Variants in DHRS4L2 observed in about 807,000 individuals in gnomAD.
DHRS4L2 encodes dehydrogenase/reductase SDR family member 4-like 2.
Under a neutral mutation model 23.9 loss-of-function variants are expected in DHRS4L2, and 22 were observed. That is an observed-to-expected ratio of 0.92 (90% confidence interval 0.66 to 1.31). DHRS4L2 has a LOEUF of 1.31. Ranked by LOEUF, DHRS4L2 falls within the 40% of genes most tolerant of loss-of-function variation. The pLI is 0.00. For missense variants in DHRS4L2, 385 were observed against 303.3 expected (o/e 1.27, Z -2.00); for synonymous variants, 141 against 123.7 (o/e 1.14, Z -0.93).
intron 3 of DHRS4L2, among the ~76,000 whole-genome samples, chr14:23,997,533 G>A (rs2034403786): frequency 1.4e-5 from 2 of 139,672 alleles, no homozygotes; most frequent in Admixed American, 7.1e-5. Flanking sequence ...ACTCTACTAA[G>A]TACCTATAAT....
upstream of DHRS4L2, among the ~76,000 whole-genome samples, chr14:23,987,056 A>G (rs765323796): frequency 6.6e-6 from 1 of 151,616 alleles, no homozygotes; most frequent in Admixed American, 6.6e-5. Flanking sequence ...TGGCTGAGGA[A>G]AACACTAGAA....
chr14:23,988,974 C>T lies in DHRS4L2; in HGVS notation c.27C>T (p.Leu9=), dbSNP rs1288180923. 2 of 1,612,174 alleles carry T rather than the reference C, an allele frequency of 1.2e-6. No individual in the cohort carries two copies. The highest frequency in any genetic ancestry group is 1.7e-5 in the Admixed American group (1 of 59,964). MQMARLLG[L]CAWARKSVRM... ...TGCAGATGGCCAGGCTGCTAGGCCT[C>T]TGTGCCTGGGCACGGAAGTCGGTGC... Residue 9 remains leucine, a synonymous_variant, in exon 1 of 8, where the codon CTC becomes CTT. Transcript: ENST00000335125.
Position 23,990,307 on chromosome 14 carries a change from G to C in DHRS4L2, c.254G>C (p.Gly85Ala). Residue 85 changes from glycine (G) to alanine (A), a missense_variant, in exon 2 of 8, where the codon GGC (glycine) becomes GCC (alanine). Gly to Ala is a moderately conservative substitution (Grantham distance 60, BLOSUM62 0). Transcript: ENST00000335125. ...CAGGGGGAGGGGCTGAGCGTGACGG[G>C]CACTGTGTGCCATGTGGGGAAGGCG... The part of the protein sequence containing the change: ...TLQGEGLSVT[G>A]TVCHVGKAED... 1 of 1,612,192 alleles carries C rather than the reference G, an allele frequency of 6.2e-7. No individual in the cohort carries two copies. The highest frequency in any genetic ancestry group is 8.5e-7 in the Non-Finnish European group (1 of 1,179,062).
upstream of DHRS4L2, chr14:23,988,734 C>G (rs569012255): frequency 7.4e-6 from 10 of 1,348,426 alleles, no homozygotes; most frequent in East Asian, 1.7e-4. Context: ...CTCACCAGCC[C>G]GGGAAGGCAA....
In DHRS4L2 at chr14:23,995,127, G is replaced by C. The variant is rs151008126; in HGVS notation, c.402G>C (p.Trp134Cys). ...TAATGGATGTCACCGAGGAGGTGTG[G>C]GACAAGGTGAGAGGGGATTAAAGAA... The part of the protein sequence containing the change: ...GSLMDVTEEV[W>C]DKTLDINVKA... Residue 134 changes from tryptophan to cysteine, a missense_variant, in exon 3 of 8, where the codon TGG (tryptophan) becomes TGC (cysteine). Coordinates refer to ENST00000335125, the MANE Select transcript of DHRS4L2 (RefSeq NM_198083.4). 2.5e-6 allele frequency: 4 copies of C among 1,612,736 alleles called. No individual in the cohort carries two copies. The highest frequency in any genetic ancestry group is 1.3e-5 in the African/African-American group (1 of 75,008).
intron 3 of DHRS4L2, among the ~76,000 whole-genome samples, chr14:23,995,651 C>T (rs2034366089): frequency 6.6e-6 from 1 of 151,648 alleles, no homozygotes; most frequent in African/African-American, 2.4e-5. Flanking sequence ...TTCTTAACTG[C>T]AATGTCAAGA....
At chr14:23,987,512 G>A (rs987904468), upstream of DHRS4L2, among the ~76,000 whole-genome samples, 1 of 151,570 alleles carries the variant, frequency 6.6e-6, no homozygotes, top group African/African-American at 2.4e-5. Context: ...CTATTCAAAA[G>A]TCATGCCTAG....
rs562231308 is a variant in DHRS4L2 at position 23,972,166 on chromosome 14, A to G, written c.-176+1834A>G. Among the ~76,000 whole-genome samples, 188 of 152,172 alleles carry G rather than the reference A, an allele frequency of 1.2e-3. 2 individuals are homozygous for G. Among genetic ancestry groups the G allele is most frequent in the African/African-American group, 4.3e-3 (179 of 41,560 alleles). ...GGTTCTTGGTCTCACTGACTTCAAG[A>G]ATGAAGCTGCGGACCCTCGCGGTGA... On this transcript the variant is annotated intron_variant, in intron 1 of 5. Transcript: ENST00000534993.
At chr14:23,987,297 A>T (rs2034167914), upstream of DHRS4L2, 2 of 266,440 alleles carry the variant, frequency 7.5e-6, no homozygotes. Context: ...CGCCCGGCTA[A>T]TTTTTTGTAT....
In DHRS4L2 at chr14:23,970,750, C is replaced by T. The variant is rs1162226516; in HGVS notation, c.-176+418C>T. Reference sequence around the variant, plus strand: ...AGAGACACCTCATACAGGTGGGTGCCCCTGTGGAACAAAGCTTCCAGAAGA... The same window carrying T: ...AGAGACACCTCATACAGGTGGGTGCTCCTGTGGAACAAAGCTTCCAGAAGA... On this transcript the variant is annotated intron_variant, in intron 1 of 5. Transcript: ENST00000534993. Among the ~76,000 whole-genome samples, 10 of 151,966 alleles carry T rather than the reference C, an allele frequency of 6.6e-5. No homozygotes were observed. In the East Asian group the frequency reaches 1.9e-3, roughly 29 times the overall value.
At chr14:23,977,747 C>T (rs2033994139) in intron 1 of DHRS4L2, among the ~76,000 whole-genome samples, 1 of 151,512 alleles carries the variant, frequency 6.6e-6, no homozygotes, top group African/African-American at 2.4e-5. Context: ...AACCTCTGGC[C>T]TTCTTAATTA....
intron 1 of DHRS4L2, among the ~76,000 whole-genome samples, chr14:23,980,632 A>G (rs948305153): frequency 8.0e-5 from 12 of 149,758 alleles, no homozygotes; most frequent in Admixed American, 1.3e-4. Context: ...TATTCCTGGG[A>G]TACAAGGCTG....
Position 23,990,376 on chromosome 14 carries a change from T to C in DHRS4L2, c.306+17T>C, listed in dbSNP as rs779986156. The C allele has an allele frequency of 3.1e-6, 5 of 1,604,144 alleles. No individual in the cohort carries two copies. In the African/African-American group the frequency reaches 6.7e-5, roughly 22 times the overall value. ...GTGGCCATGGTGAGCTGCAGGGAAA[T>C]GGGCACAGAGCCAGGAGGTGGAAAA... On this transcript the variant is annotated intron_variant, in intron 2 of 7. Transcript: ENST00000335125.
rs536430784 is a variant in DHRS4L2, at chr14:23,995,329, C to T, written c.408+196C>T. Among the ~76,000 whole-genome samples, 12 of 151,796 alleles carry T rather than the reference C, an allele frequency of 7.9e-5. No individual in the cohort carries two copies. In the South Asian group the frequency reaches 1.9e-3, roughly 24 times the overall value. On this transcript the variant is annotated intron_variant, in intron 3 of 7. Transcript: ENST00000335125. ...CTGCCCTTCTCATTCGTTTCTGCTG[C>T]TCCTAGTTCTCTCTGCTTCTATCTG...
chr14:23,990,369 A>C lies in DHRS4L2; in HGVS notation c.306+10A>C, dbSNP rs1318016844. On this transcript the variant is annotated intron_variant, in intron 2 of 7. Coordinates refer to ENST00000335125, the MANE Select transcript of DHRS4L2 (RefSeq NM_198083.4). ...GCGGCTGGTGGCCATGGTGAGCTGC[A>C]GGGAAATGGGCACAGAGCCAGGAGG... 1.2e-6 allele frequency: 2 copies of C among 1,607,248 alleles called. No individual in the cohort carries two copies. The highest frequency in any genetic ancestry group is 1.3e-5 in the African/African-American group (1 of 74,818).
At chr14:23,989,489 C>T (rs2034221162) in intron 1 of DHRS4L2, among the ~76,000 whole-genome samples, 1 of 151,526 alleles carries the variant, frequency 6.6e-6, no homozygotes, top group Non-Finnish European at 1.5e-5. Context: ...CGGAACCCCT[C>T]CCCCTTACCT....
chr14:24,006,057 G>A lies in DHRS4L2; in HGVS notation c.*194G>A. On this transcript the variant is annotated 3_prime_UTR_variant, in exon 8 of 8. Transcript: ENST00000335125. The stretch of plus-strand genomic sequence containing the variant: ...GGCTCTAGCTCCTGGTGCTGTTCCT[G>A]CATTCACCCACTGGCCTTTCCCACC... The A allele has an allele frequency of 6.3e-7, 1 of 1,593,110 alleles. No individual in the cohort carries two copies. Among genetic ancestry groups the A allele is most frequent in the Non-Finnish European group, 8.5e-7 (1 of 1,170,642 alleles).
upstream of DHRS4L2, chr14:23,988,853 C>T: frequency 6.7e-7 from 1 of 1,497,754 alleles, no homozygotes; most frequent in South Asian, 1.3e-5. Flanking sequence ...GGGAAGGGGG[C>T]AGGCAGGGAA....
chr14:23,996,179 A>C (rs1461177605), intron 3 of DHRS4L2, among the ~76,000 whole-genome samples: 1 of 151,778 alleles, frequency 6.6e-6, no homozygotes, highest in Non-Finnish European at 1.5e-5. Flanking sequence ...CAAGCCATTC[A>C]TAAGGGATCC....
Sources: allele counts gnomAD v4.1 joint callset (sites outside exome capture counted in the v4.1 genomes callset), GRCh38; gene constraint gnomAD v4.1.1; transcripts MANE v1.5; gene names NCBI Gene and HGNC (gene_info 2026-07-23, HGNC 2026-07-21).